The following EML5 variants were observed in gnomAD, a reference collection of about 807,000 sequenced individuals.
EML5 encodes the protein EMAP like 5.
A neutral mutation model predicts 250.0 loss-of-function variants in EML5; 120 were observed. That is an observed-to-expected ratio of 0.48 (90% CI 0.41 to 0.56). EML5 has a LOEUF of 0.56. Ranked by LOEUF, EML5 falls within the 20% of genes least tolerant of loss-of-function variation. EML5 has a pLI of 0.00. For synonymous variants in EML5, 771 were observed against 806.5 expected, an observed-to-expected ratio of 0.96 and a Z score of 0.75; for missense variants, 2,006 against 2,437.6, an observed-to-expected ratio of 0.82 and a Z score of 3.73.
At chr14:88,759,687 A>AAAAAAAAAG (rs1555374436) in intron 1 of EML5, among the ~76,000 whole-genome samples, 2 of 144,806 alleles carry the variant, frequency 1.4e-5, no homozygotes, top group African/African-American at 5.1e-5. Flanking sequence ...CCATCTCTTA[A>AAAAAAAAAG]AAAAAAAAAA....
At chr14:88,649,083 G>A (rs541089686) in intron 28 of EML5, among the ~76,000 whole-genome samples, 2 of 151,976 alleles carry the variant, frequency 1.3e-5, no homozygotes, top group Admixed American at 6.6e-5. Flanking sequence ...AAGCTGGAGT[G>A]TAGTGATGCC....
intron 25 of EML5, among the ~76,000 whole-genome samples, chr14:88,659,529 T>C (rs1016425992): frequency 6.6e-6 from 1 of 152,132 alleles, no homozygotes; most frequent in Non-Finnish European, 1.5e-5. Flanking sequence ...TGACTCTTAA[T>C]AATTAAGTCA....
At chr14:88,745,435 TA>T (rs1555370174) in intron 3 of EML5, among the ~76,000 whole-genome samples, 2 of 152,066 alleles carry the variant, frequency 1.3e-5, no homozygotes, top group Non-Finnish European at 1.5e-5. Context: ...AATATTTAAT[TA>T]AAAGCTGGCT....
intron 27 of EML5, among the ~76,000 whole-genome samples, chr14:88,657,037 G>A (rs1332225270): frequency 6.6e-6 from 1 of 152,036 alleles, no homozygotes; most frequent in Non-Finnish European, 1.5e-5. Context: ...CTGACACTCA[G>A]GTAGGAGTGC....
At chr14:88,664,902 C>G (rs2092261072) in intron 22 of EML5, among the ~76,000 whole-genome samples, 1 of 152,074 alleles carries the variant, frequency 6.6e-6, no homozygotes, top group African/African-American at 2.4e-5. Flanking sequence ...AAAACTCCCT[C>G]TAAATTTAGA....
intron 32 of EML5, 93 bp from the exon 33 acceptor site, chr14:88,634,582 T>C (rs2090617489): frequency 1.4e-6 from 1 of 703,232 alleles, no homozygotes; most frequent in African/African-American, 1.9e-5. Context: ...AACTATTATA[T>C]ACAAAATTGG....
intron 7 of EML5, among the ~76,000 whole-genome samples, chr14:88,727,088 T>C (rs1426837792): frequency 1.3e-5 from 2 of 152,162 alleles, no homozygotes; most frequent in Non-Finnish European, 2.9e-5. Flanking sequence ...AGCACAGTTA[T>C]AGTGTCACTG....
chr14:88,767,160 A>G (rs180822675), intron 1 of EML5, among the ~76,000 whole-genome samples: 16 of 152,312 alleles, frequency 1.1e-4, no homozygotes, highest in Non-Finnish European at 1.9e-4. Flanking sequence ...AAGCAATCCA[A>G]TTAGGTTCAA....
intron 28 of EML5, among the ~76,000 whole-genome samples, chr14:88,649,186 C>T (rs1038454417): frequency 6.6e-6 from 1 of 152,036 alleles, no homozygotes; most frequent in Admixed American, 6.6e-5. Flanking sequence ...TGCCACCACA[C>T]CCAGCTAATT....
At position 88,640,595 on chromosome 14, in the gene EML5, T is replaced by C. The variant is rs540348887; in HGVS notation, c.4238-1688A>G. Among the ~76,000 whole-genome samples, 5 of 152,218 alleles carry C rather than the reference T, an allele frequency of 3.3e-5. No homozygotes were observed. In the East Asian group the frequency reaches 9.7e-4, roughly 29 times the overall value. ...GAAAGCTTACAGTGCTAAATGCCTA[T>C]CTCAAAATGTTAGAAAGATCCCAAA... On this transcript the variant is annotated intron_variant, in intron 31 of 43. Transcript: ENST00000554922.
At chr14:88,651,818 G>A (rs778678989) in intron 27 of EML5, among the ~76,000 whole-genome samples, 2 of 152,000 alleles carry the variant, frequency 1.3e-5, no homozygotes, top group Non-Finnish European at 2.9e-5. Context: ...TATTTACCAG[G>A]TATCTCCTCA....
At chr14:88,783,795 A>G (rs1371516948) in intron 1 of EML5, among the ~76,000 whole-genome samples, 1 of 152,240 alleles carries the variant, frequency 6.6e-6, no homozygotes, top group African/African-American at 2.4e-5. Context: ...CTTAATGTGC[A>G]CTATAGACCA....
chr14:88,782,890 G>A (rs2094511405), intron 1 of EML5, among the ~76,000 whole-genome samples: 3 of 152,146 alleles, frequency 2.0e-5, no homozygotes, highest in Admixed American at 1.3e-4. Flanking sequence ...GATCAGCCGG[G>A]CCAACATGGT....
intron 8 of EML5, among the ~76,000 whole-genome samples, chr14:88,717,675 A>C (rs983850183): frequency 3.9e-5 from 6 of 152,172 alleles, no homozygotes; most frequent in African/African-American, 1.4e-4. Flanking sequence ...AAATCACTTG[A>C]ACTCGGGAGG....
intron 8 of EML5, among the ~76,000 whole-genome samples, chr14:88,726,052 A>G (rs894643699): frequency 1.3e-5 from 2 of 152,230 alleles, no homozygotes. Flanking sequence ...TCTATCTATA[A>G]TTCAACACAA....
chr14:88,713,284 C>A (rs759652483), intron 9 of EML5, among the ~76,000 whole-genome samples: 1 of 151,726 alleles, frequency 6.6e-6, no homozygotes, highest in Non-Finnish European at 1.5e-5. Flanking sequence ...CTCAGCTACT[C>A]GGGAGGCTGA....
Position 88,736,431 on chromosome 14 carries a change from G to A in EML5, c.982C>T (p.Leu328Phe). The A allele has an allele frequency of 6.2e-7, 1 of 1,614,020 alleles. No homozygotes were observed. The change falls in exon 7 of 44, where the codon CTT becomes TTT. Residue 328 changes from leucine to phenylalanine, a missense_variant. Around this residue, in one of 7 missense-constraint regions of EML5, gnomAD observed 1,375 missense variants for 1,590.3 expected, o/e 0.86. Transcript: ENST00000554922. ...GTAGGATGGACAGCAAGTGCCCAAAGTTCACCTTCACAATGCCCTTGCATA... is the reference window on the plus strand; with the variant it reads ...GTAGGATGGACAGCAAGTGCCCAAAATTCACCTTCACAATGCCCTTGCATA... Reference protein sequence around the residue: ...LIMQGHCEGELWALAVHPTKP... With the variant: ...LIMQGHCEGEFWALAVHPTKP...
At chr14:88,740,323 T>A in intron 5 of EML5, 64 bp downstream of exon 5, 1 of 1,387,020 alleles carries the variant, frequency 7.2e-7, no homozygotes, top group Non-Finnish European at 9.8e-7. Context: ...TTACGCAGTC[T>A]ATCATTCTAA....
chr14:88,681,833 G>A, intron 21 of EML5, 57 bp downstream of exon 21: 1 of 1,499,720 alleles, frequency 6.7e-7, no homozygotes, highest in Non-Finnish European at 8.9e-7. Context: ...TCTTATATTT[G>A]TAAAGGTTAG....
Sources: allele counts gnomAD v4.1 joint callset (sites outside exome capture counted in the v4.1 genomes callset), GRCh38; gene constraint gnomAD v4.1.1; regional missense constraint gnomAD v4.1.1; transcripts MANE v1.5; gene names NCBI Gene and HGNC (gene_info 2026-07-23, HGNC 2026-07-21).